The following RRP12 variants were observed in gnomAD, a reference collection of about 807,000 sequenced individuals.
RRP12 encodes the protein RRP12-like protein.
A neutral mutation model predicts 157.3 loss-of-function variants in RRP12; 78 were observed. That is an observed-to-expected ratio of 0.50 (90% CI 0.41 to 0.60). The LOEUF (loss-of-function observed/expected upper bound fraction) is 0.60. Among genes scored for constraint, RRP12 ranks in the 20% least tolerant of loss-of-function variants. RRP12 has a pLI of 0.00. For missense variants in RRP12, 1,521 were observed against 1,679.9 expected (o/e 0.91, Z 1.65); for synonymous variants, 726 against 670.9 (o/e 1.08, Z -1.27).
At chr10:97,396,339 C>T (rs768623963) in intron 2 of RRP12, 38 bp from the exon 3 acceptor site, 1 of 1,504,040 alleles carries the variant, frequency 6.6e-7, no homozygotes, top group South Asian at 1.1e-5. Context: ...CTATTTTAGA[C>T]CTAACCCCAC....
In RRP12 at chr10:97,385,930, T is replaced by G. The variant is rs745319801; in HGVS notation, c.1081A>C (p.Thr361Pro). The change falls in exon 9 of 34, where the codon ACC becomes CCC. Residue 361 changes from threonine to proline, a missense_variant. Physicochemically the swap from Thr to Pro is conservative, Grantham distance 38. Transcript: ENST00000370992. The stretch of plus-strand genomic sequence containing the variant: ...TGGGCGTTGAGCTCTGCTGACAGGG[T>G]GCTCAGGCCAGGCCTGGCGTGGAAG... ...SLFHARPGLSTLSAELNAQII... is the reference protein window; with the variant it reads ...SLFHARPGLSPLSAELNAQII... The G allele has an allele frequency of 1.0e-5, 16 of 1,607,286 alleles. No homozygotes were observed. In the South Asian group the frequency reaches 1.3e-4, roughly 13 times the overall value.
Position 97,366,749 on chromosome 10 carries a change from C to T in RRP12, c.3208G>A (p.Gly1070Ser). 2 of 1,613,528 alleles carry T rather than the reference C, an allele frequency of 1.2e-6. No homozygotes were observed. Among genetic ancestry groups the T allele is most frequent in the South Asian group, 2.2e-5 (2 of 90,984 alleles). Residue 1070 changes from glycine (G) to serine (S), a missense_variant, in exon 27 of 34, where the codon GGT becomes AGT. By Grantham distance (56) the Gly-to-Ser change is moderately conservative. Coordinates refer to ENST00000370992, the MANE Select transcript of RRP12 (RefSeq NM_015179.4). ...EEEEEPAQGK[G>S]DSIEEILADS... ...GCCCTAACATGGTCTCACCTGTCAC[C>T]TTTGCCCTGGGCGGGCTCCTCCTCC...
intron 30 of RRP12, among the ~76,000 whole-genome samples, chr10:97,362,798 C>A (rs970648470): frequency 2.0e-5 from 3 of 152,250 alleles, no homozygotes; most frequent in East Asian, 1.9e-4. Flanking sequence ...GAATTCTGCG[C>A]TGTCACAATG....
At chr10:97,398,953 A>T (rs773994167) in intron 2 of RRP12, among the ~76,000 whole-genome samples, 1 of 152,198 alleles carries the variant, frequency 6.6e-6, no homozygotes, top group Non-Finnish European at 1.5e-5. Context: ...TATTTTAAAG[A>T]TACTGAGTTA....
intron 29 of RRP12, chr10:97,365,766 T>TAAAAA: frequency 5.8e-6 from 1 of 171,332 alleles, no homozygotes. Flanking sequence ...AAGTTTGCAT[T>TAAAAA]AAAAAAAAAA....
At position 97,379,352 on chromosome 10, in the gene RRP12, G is replaced by A. The variant is rs776633860; in HGVS notation, c.1739C>T (p.Thr580Met). The change falls in exon 15 of 34, where the codon ACG (threonine) becomes ATG (methionine). Residue 580 changes from threonine to methionine, a missense_variant. Coordinates refer to ENST00000370992, the MANE Select transcript of RRP12 (RefSeq NM_015179.4). Reference sequence around the variant, plus strand: ...GTAGGTGGTGAAAAAACCAAGTCGCGTTTCCTGAACATGGTCTCGGATGAC... The same window carrying A: ...GTAGGTGGTGAAAAAACCAAGTCGCATTTCCTGAACATGGTCTCGGATGAC... ...LPVIRDHVQE[T>M]RLGFFTTYFL... The A allele has an allele frequency of 8.7e-6, 14 of 1,613,996 alleles. No homozygotes were observed. The highest frequency in any genetic ancestry group is 2.7e-5 in the African/African-American group (2 of 74,932).
chr10:97,367,728 T>G (rs534246470), intron 25 of RRP12, among the ~76,000 whole-genome samples: 24 of 152,202 alleles, frequency 1.6e-4, no homozygotes, highest in Non-Finnish European at 2.9e-4. Context: ...GGGGATAGGG[T>G]CCACGTCTAC....
At chr10:97,381,976 T>C in intron 10 of RRP12, 150 bp from the exon 11 acceptor site, 1 of 600,902 alleles carries the variant, frequency 1.7e-6, no homozygotes, top group South Asian at 2.1e-5. Context: ...GGGTGGTTTT[T>C]AAAAAGGCAC....
At chr10:97,392,002 T>G (rs1483142266) in intron 4 of RRP12, among the ~76,000 whole-genome samples, 1 of 4,404 alleles carries the variant, frequency 2.3e-4, no homozygotes, top group East Asian at 2.6e-3. Context: ...ATGTTGTGGG[T>G]TTTTTTTTTT....
In RRP12 at chr10:97,400,551, C is replaced by T. The variant is rs769326244; in HGVS notation, c.140-17G>A. 5.2e-5 allele frequency: 84 copies of T among 1,600,848 alleles called. No homozygotes were observed. Among genetic ancestry groups the T allele is most frequent in the Admixed American group, 8.3e-5 (5 of 59,904 alleles). On this transcript the variant is annotated splice_polypyrimidine_tract_variant and intron_variant, in intron 1 of 33. Transcript: ENST00000370992. The stretch of plus-strand genomic sequence containing the variant: ...CACTCCTTCCTGAGAGCCAGAGGCA[C>T]AAGATAAGGTCCAAGCCTCCTTTTG...
chr10:97,391,173 C>G (rs574842722), intron 4 of RRP12, among the ~76,000 whole-genome samples: 1 of 152,186 alleles, frequency 6.6e-6, no homozygotes, highest in East Asian at 1.9e-4. Context: ...CCAGGAATGC[C>G]CCTTCTGGGG....
chr10:97,365,110 T>C (rs1252169026), intron 29 of RRP12, among the ~76,000 whole-genome samples: 2 of 152,020 alleles, frequency 1.3e-5, no homozygotes, highest in South Asian at 2.1e-4. Context: ...GAAACGGAGC[T>C]AAGGAGAGGC....
intron 2 of RRP12, among the ~76,000 whole-genome samples, chr10:97,397,454 G>A (rs983105268): frequency 2.0e-5 from 3 of 152,024 alleles, no homozygotes; most frequent in Admixed American, 6.6e-5. Context: ...GAGCCACCTC[G>A]CCTGGTATAT....
chr10:97,397,428 C>T (rs1213960797), intron 2 of RRP12, among the ~76,000 whole-genome samples: 1 of 152,042 alleles, frequency 6.6e-6, no homozygotes, highest in Non-Finnish European at 1.5e-5. Context: ...TCCCAAAGTG[C>T]TAGGATTACA....
intron 30 of RRP12, among the ~76,000 whole-genome samples, chr10:97,363,562 C>T (rs1009241856): frequency 6.6e-6 from 1 of 152,186 alleles, no homozygotes; most frequent in African/African-American, 2.4e-5. Flanking sequence ...GTGGATGCCC[C>T]CACCCCATGC....
chr10:97,380,685 C>T lies in RRP12; in HGVS notation c.1533+114G>A, dbSNP rs916358262. 397 of 742,654 alleles carry T rather than the reference C, an allele frequency of 5.3e-4. 4 individuals are homozygous for T. Among genetic ancestry groups the T allele is most frequent in the Admixed American group, 1.0e-3 (46 of 46,148 alleles). The allele number at this position is 742,654 out of a possible 1,614,324, so 46.0% of individuals were successfully genotyped here. A position where few individuals can be genotyped will look rare whatever the true frequency, so the allele number is the denominator to read the frequency against. On this transcript the variant is annotated intron_variant, in intron 13 of 33. Transcript: ENST00000370992. Reference sequence around the variant, plus strand: ...CATGGGGCACCTGCTATGGCCCTGTCAGGGTGGGGTGCGGAGCAGGGTGCA... The same window carrying T: ...CATGGGGCACCTGCTATGGCCCTGTTAGGGTGGGGTGCGGAGCAGGGTGCA...
chr10:97,386,106 G>A (rs188161167), intron 8 of RRP12, 113 bp from the exon 9 acceptor site: 158 of 660,706 alleles, frequency 2.4e-4, no homozygotes, highest in Admixed American at 1.7e-3. Context: ...CCTCACACAT[G>A]CCCCCCACAC....
chr10:97,372,259 G>A (rs1370946735), intron 19 of RRP12, 93 bp from the exon 20 acceptor site: 1 of 889,474 alleles, frequency 1.1e-6, no homozygotes, highest in Non-Finnish European at 1.8e-6. Context: ...TGGGGAGGTG[G>A]GAGAAGTCAG....
intron 31 of RRP12, among the ~76,000 whole-genome samples, 184 bp from the exon 32 acceptor site, chr10:97,359,194 CAGTT>C (rs1843783541): frequency 6.6e-6 from 1 of 152,230 alleles, no homozygotes. Context: ...GGTGATTTGA[CAGTT>C]AGATCACTGG....
Sources: allele counts gnomAD v4.1 joint callset (sites outside exome capture counted in the v4.1 genomes callset), GRCh38; gene constraint gnomAD v4.1.1; transcripts MANE v1.5; gene names NCBI Gene and HGNC (gene_info 2026-07-23, HGNC 2026-07-21).